OSBPL8: variants seen among roughly 807,000 people sequenced by gnomAD.
OSBPL8 encodes oxysterol-binding protein-related protein 8.
A neutral mutation model predicts 125.5 loss-of-function variants in OSBPL8; 59 were observed. The observed-to-expected ratio is 0.47, with a 90% CI of 0.38 to 0.58. OSBPL8 has a LOEUF of 0.58. Ranked by LOEUF, OSBPL8 falls within the 20% of genes least tolerant of loss-of-function variation. OSBPL8 has a pLI of 0.00. For synonymous variants in OSBPL8, 330 were observed against 338.9 expected (o/e 0.97, Z 0.29); for missense variants, 758 against 1,047.8 (o/e 0.72, Z 3.82).
intron 12 of OSBPL8, among the ~76,000 whole-genome samples, chr12:76,386,973 C>T (rs749859388): frequency 2.6e-5 from 4 of 152,094 alleles, no homozygotes; most frequent in Non-Finnish European, 5.9e-5. Flanking sequence ...TTGTTAGGGG[C>T]TCTGTGAAAA....
chr12:76,503,091 G>C (rs1351558995), intron 1 of OSBPL8, among the ~76,000 whole-genome samples: 1 of 152,176 alleles, frequency 6.6e-6, no homozygotes, highest in African/African-American at 2.4e-5. Flanking sequence ...CAAGACAGTT[G>C]TACCGTTGGG....
chr12:76,471,488 A>G (rs568121723), intron 2 of OSBPL8, among the ~76,000 whole-genome samples: 1 of 152,286 alleles, frequency 6.6e-6, no homozygotes, highest in Admixed American at 6.5e-5. Flanking sequence ...CTAAAGCTCT[A>G]CGTAGTCTCT....
At chr12:76,489,941 G>T (rs898576209) in intron 1 of OSBPL8, among the ~76,000 whole-genome samples, 1 of 152,116 alleles carries the variant, frequency 6.6e-6, no homozygotes, top group Admixed American at 6.5e-5. Flanking sequence ...ACCAACATTC[G>T]CAGGAATTTG....
intron 1 of OSBPL8, among the ~76,000 whole-genome samples, chr12:76,504,614 T>C (rs1357450442): frequency 6.6e-6 from 1 of 152,216 alleles, no homozygotes; most frequent in African/African-American, 2.4e-5. Flanking sequence ...ATCTTGCCTT[T>C]AGCCTCCAAA....
intron 4 of OSBPL8, among the ~76,000 whole-genome samples, chr12:76,438,121 G>T (rs1015040139): frequency 6.6e-6 from 1 of 151,430 alleles, no homozygotes; most frequent in Non-Finnish European, 1.5e-5. Context: ...CGGGTAGCTG[G>T]GACTACAGGC....
intron 4 of OSBPL8, among the ~76,000 whole-genome samples, chr12:76,423,426 T>C (rs1253127733): frequency 6.6e-6 from 1 of 152,188 alleles, no homozygotes; most frequent in Non-Finnish European, 1.5e-5. Flanking sequence ...CTGCTACTGT[T>C]CCTCTTAATT....
intron 1 of OSBPL8, among the ~76,000 whole-genome samples, chr12:76,499,306 C>CTATG: frequency 2.0e-5 from 2 of 99,920 alleles, no homozygotes; most frequent in African/African-American, 8.2e-5. Flanking sequence ...TTAATAAACT[C>CTATG]TATCTATCTA....
intron 19 of OSBPL8, 106 bp from the exon 20 acceptor site, chr12:76,369,928 A>T: frequency 1.8e-6 from 2 of 1,131,660 alleles, no homozygotes; most frequent in Non-Finnish European, 2.4e-6. Context: ...GCTCACATGA[A>T]TTTCTGGCTT....
In OSBPL8 at chr12:76,390,405, A is replaced by C. The variant is rs765811381; in HGVS notation, c.1167+15T>G. ...ATATGAAAATCCAGAACCTCTAAAA[A>C]TAGCAGACTTTTACCTCTCCAAGTT... On this transcript the variant is annotated intron_variant, in intron 11 of 23. Transcript: ENST00000261183. 8 of 1,541,530 alleles carry C rather than the reference A, an allele frequency of 5.2e-6. No homozygotes were observed. In the South Asian group the frequency reaches 9.6e-5, roughly 18 times the overall value.
At chr12:76,486,168 G>T (rs1878110688) in intron 2 of OSBPL8, 1 of 308,470 alleles carries the variant, frequency 3.2e-6, no homozygotes, top group Non-Finnish European at 6.4e-6. Context: ...CCCCAAACAA[G>T]ACTGAACCAG....
At chr12:76,512,760 G>T (rs1450707965) in intron 1 of OSBPL8, among the ~76,000 whole-genome samples, 2 of 152,200 alleles carry the variant, frequency 1.3e-5, no homozygotes, top group Non-Finnish European at 2.9e-5. Context: ...CAATGAATCT[G>T]TAAATTGCTT....
intron 6 of OSBPL8, among the ~76,000 whole-genome samples, chr12:76,401,096 T>C (rs1184188622): frequency 1.3e-5 from 2 of 152,162 alleles, no homozygotes; most frequent in Non-Finnish European, 2.9e-5. Flanking sequence ...TTTACCTCTT[T>C]TTAATTACAC....
chr12:76,433,121 A>G (rs1871041737), intron 4 of OSBPL8, among the ~76,000 whole-genome samples: 1 of 152,230 alleles, frequency 6.6e-6, no homozygotes, highest in Non-Finnish European at 1.5e-5. Context: ...TGCTAACATA[A>G]TAAGCAATAG....
chr12:76,512,342 T>C (rs1403965354), intron 1 of OSBPL8, among the ~76,000 whole-genome samples: 2 of 152,228 alleles, frequency 1.3e-5, no homozygotes, highest in African/African-American at 2.4e-5. Flanking sequence ...CCATGGTGTA[T>C]ATGTACATTT....
intron 4 of OSBPL8, among the ~76,000 whole-genome samples, chr12:76,418,646 C>T (rs1485673493): frequency 6.6e-6 from 1 of 152,000 alleles, no homozygotes; most frequent in Non-Finnish European, 1.5e-5. Context: ...GCCTGGCCAA[C>T]ATGGTGAAAC....
intron 4 of OSBPL8, among the ~76,000 whole-genome samples, chr12:76,438,992 G>A (rs1159291726): frequency 6.6e-6 from 1 of 152,068 alleles, no homozygotes; most frequent in Non-Finnish European, 1.5e-5. Context: ...CATTTTATCA[G>A]TTCTAAGATT....
intron 4 of OSBPL8, among the ~76,000 whole-genome samples, chr12:76,438,359 G>C (rs572194522): frequency 1.4e-3 from 213 of 151,024 alleles, no homozygotes; most frequent in African/African-American, 4.9e-3. Context: ...CTGGAGAGCA[G>C]TGGTGCGATT....
At chr12:76,406,833 G>C (rs1050687971) in intron 5 of OSBPL8, among the ~76,000 whole-genome samples, 8 of 151,956 alleles carry the variant, frequency 5.3e-5, no homozygotes, top group African/African-American at 1.9e-4. Context: ...GGCTGGTCTC[G>C]AACTCCTGGG....
At chr12:76,358,569 T>C in intron 22 of OSBPL8, 137 bp downstream of exon 22, 1 of 670,864 alleles carries the variant, frequency 1.5e-6, no homozygotes, top group South Asian at 1.9e-5. Context: ...ATCTATGATC[T>C]AGAATTGCTT....
Sources: allele counts gnomAD v4.1 joint callset (sites outside exome capture counted in the v4.1 genomes callset), GRCh38; gene constraint gnomAD v4.1.1; transcripts MANE v1.5; gene names NCBI Gene and HGNC (gene_info 2026-07-23, HGNC 2026-07-21).